The following PITPNM3 variants were observed in gnomAD, a reference collection of about 807,000 sequenced individuals.
The protein encoded by PITPNM3 is membrane-associated phosphatidylinositol transfer protein 3.
In PITPNM3, 26 loss-of-function variants were observed where a neutral mutation model predicts 102.0. The observed-to-expected ratio is 0.25, with a 90% CI of 0.19 to 0.35. The LOEUF is 0.35. PITPNM3 is among the 10% of genes least tolerant of loss of function. The probability of loss-of-function intolerance (pLI) is 1.00; values close to 1 mark genes in which losing one functional copy is unlikely to be tolerated. For synonymous variants in PITPNM3, 578 were observed against 558.6 expected (o/e 1.03, Z -0.49); for missense variants, 1,083 against 1,346.1 (o/e 0.80, Z 3.06).
At chr17:6,465,417 C>T (rs1904717455) in intron 14 of PITPNM3, among the ~76,000 whole-genome samples, 1 of 152,266 alleles carries the variant, frequency 6.6e-6, no homozygotes, top group Non-Finnish European at 1.5e-5. Flanking sequence ...TCTTCCAGAT[C>T]CCCGGGCTGG....
intron 1 of PITPNM3, among the ~76,000 whole-genome samples, chr17:6,543,158 AG>A (rs1200828229): frequency 6.6e-6 from 1 of 152,226 alleles, no homozygotes; most frequent in Non-Finnish European, 1.5e-5. Context: ...TGGGCCGCTC[AG>A]TGGGAGGGGC....
intron 3 of PITPNM3, among the ~76,000 whole-genome samples, chr17:6,516,998 C>T (rs1050252501): frequency 6.6e-6 from 1 of 152,108 alleles, no homozygotes; most frequent in Admixed American, 6.5e-5. Flanking sequence ...ATTCAAGAGG[C>T]CATGGAGGAA....
chr17:6,506,025 G>A (rs1263451341), intron 3 of PITPNM3, among the ~76,000 whole-genome samples: 3 of 152,118 alleles, frequency 2.0e-5, no homozygotes, highest in African/African-American at 4.8e-5. Flanking sequence ...AAGGCAAAGC[G>A]GGGGTGTGAG....
chr17:6,490,002 A>G (rs1906354456), intron 4 of PITPNM3, among the ~76,000 whole-genome samples: 1 of 149,816 alleles, frequency 6.7e-6, no homozygotes, highest in Non-Finnish European at 1.5e-5. Flanking sequence ...GCGAGACTCC[A>G]TCTCAAAAAA....
intron 3 of PITPNM3, among the ~76,000 whole-genome samples, chr17:6,504,847 CTCGG>C (rs1196156292): frequency 5.9e-5 from 9 of 152,088 alleles, no homozygotes; most frequent in Non-Finnish European, 1.3e-4. Flanking sequence ...TGGTACTTGC[CTCGG>C]AGGGTTACTG....
At chr17:6,475,213 C>G (rs895037080) in intron 9 of PITPNM3, among the ~76,000 whole-genome samples, 1 of 152,158 alleles carries the variant, frequency 6.6e-6, no homozygotes, top group African/African-American at 2.4e-5. Context: ...CCACCCCCAG[C>G]CCCAGCCCAC....
chr17:6,471,506 C>T (rs1597368073), intron 11 of PITPNM3, 151 bp from the exon 12 acceptor site: 1 of 767,984 alleles, frequency 1.3e-6, no homozygotes, highest in Non-Finnish European at 2.0e-6. Flanking sequence ...ACCTGCCCCT[C>T]TCACTGTGCC....
At chr17:6,514,062 T>C (rs1487248587) in intron 3 of PITPNM3, among the ~76,000 whole-genome samples, 1 of 152,110 alleles carries the variant, frequency 6.6e-6, no homozygotes, top group Non-Finnish European at 1.5e-5. Flanking sequence ...GGAAAACTAG[T>C]TAATCACACT....
chr17:6,499,372 C>T (rs1032522618), intron 4 of PITPNM3, among the ~76,000 whole-genome samples: 16 of 152,228 alleles, frequency 1.1e-4, no homozygotes, highest in African/African-American at 3.6e-4. Context: ...TGGAGACCTC[C>T]CTCCCCACAC....
rs557066064 is a variant in PITPNM3 at position 6,477,967 on chromosome 17, G to C, written c.900+8C>G. 100 of 1,612,044 alleles carry C rather than the reference G, an allele frequency of 6.2e-5. No homozygotes were observed. The highest frequency in any genetic ancestry group is 7.7e-5 in the Non-Finnish European group (91 of 1,179,976). ...TACCCCTCCCGCGGTCCTGTCCCCCGGCTGTACCTGGGTGCTGCTGATGCT... is the reference window on the plus strand; with the variant it reads ...TACCCCTCCCGCGGTCCTGTCCCCCCGCTGTACCTGGGTGCTGCTGATGCT... On this transcript the variant is annotated splice_region_variant and intron_variant, in intron 8 of 19. Transcript: ENST00000262483.
intron 1 of PITPNM3, among the ~76,000 whole-genome samples, chr17:6,543,532 G>A (rs765660017): frequency 5.9e-5 from 9 of 152,250 alleles, no homozygotes; most frequent in African/African-American, 1.7e-4. Context: ...CGCCCTGACC[G>A]TAAGATGCAG....
chr17:6,537,045 G>A lies in PITPNM3; in HGVS notation c.118+942C>T, dbSNP rs1191792823. Among the ~76,000 whole-genome samples, 1 of 152,090 alleles carries A rather than the reference G, an allele frequency of 6.6e-6. No homozygotes were observed. The highest frequency in any genetic ancestry group is 6.5e-5 in the Admixed American group (1 of 15,274). ...GTACTCGTGCCTCTGAGCCTTCAAG[G>A]CTGATCTCTGCCTGAAATGTCCACC... On this transcript the variant is annotated intron_variant, in intron 2 of 19. Transcript: ENST00000262483. This position sits in a 1 kb window ranked among gnomAD's most constrained non-coding sequence, Gnocchi z 4.4.
At chr17:6,477,906 T>G in intron 8 of PITPNM3, 69 bp downstream of exon 8, 2 of 1,599,698 alleles carry the variant, frequency 1.3e-6, no homozygotes, top group Non-Finnish European at 1.7e-6. Flanking sequence ...GAACCAGCAC[T>G]CTCTCCCCGA....
At chr17:6,502,714 C>A (rs1907258946) in intron 4 of PITPNM3, among the ~76,000 whole-genome samples, 1 of 152,156 alleles carries the variant, frequency 6.6e-6, no homozygotes, top group Admixed American at 6.5e-5. Flanking sequence ...CACAACCCCA[C>A]CCCAAACACA....
At chr17:6,511,666 C>T (rs1907870247) in intron 3 of PITPNM3, among the ~76,000 whole-genome samples, 1 of 152,106 alleles carries the variant, frequency 6.6e-6, no homozygotes, top group African/African-American at 2.4e-5. Flanking sequence ...GAAAGAAAAC[C>T]ATAACCTCAA....
At chr17:6,467,553 G>A (rs536557152) in intron 14 of PITPNM3, among the ~76,000 whole-genome samples, 1 of 152,276 alleles carries the variant, frequency 6.6e-6, no homozygotes, top group East Asian at 1.9e-4. Context: ...GGTTCATGAA[G>A]GATTGATCTC....
In PITPNM3 at chr17:6,511,616, G is replaced by A. The variant is rs74442784; in HGVS notation, c.227-8042C>T. 6.3e-3 allele frequency among the ~76,000 whole-genome samples: 955 copies of A among 152,300 alleles called. 15 individuals are homozygous for A. The highest frequency in any genetic ancestry group is 0.022 in the African/African-American group (901 of 41,564). ...GAAAATCAAGTGTGTGGAGCCTTGTGTGACTGCAAAGGACAAATGCTCACA... is the reference window on the plus strand; with the variant it reads ...GAAAATCAAGTGTGTGGAGCCTTGTATGACTGCAAAGGACAAATGCTCACA... On this transcript the variant is annotated intron_variant, in intron 3 of 19. Transcript: ENST00000262483.
Position 6,469,108 on chromosome 17 carries a change from G to C in PITPNM3, c.1774-767C>G, listed in dbSNP as rs1416965198. Among the ~76,000 whole-genome samples, 1 of 152,064 alleles carries C rather than the reference G, an allele frequency of 6.6e-6. No individual in the cohort carries two copies. The highest frequency in any genetic ancestry group is 1.5e-5 in the Non-Finnish European group (1 of 68,014). On this transcript the variant is annotated intron_variant, in intron 13 of 19. Transcript: ENST00000262483. The surrounding 1 kb of genome is among the most constrained non-coding windows in gnomAD (Gnocchi z 4.0). Reference sequence around the variant, plus strand: ...CAGTGGCTTCTCCTTCTCTCCCTGGGGGAGCTCCAGGACTCATCCCTGAAC... The same window carrying C: ...CAGTGGCTTCTCCTTCTCTCCCTGGCGGAGCTCCAGGACTCATCCCTGAAC...
chr17:6,463,997 C>T, intron 16 of PITPNM3, 116 bp from the exon 17 acceptor site: 1 of 1,545,992 alleles, frequency 6.5e-7, no homozygotes, highest in Non-Finnish European at 8.8e-7. Context: ...CAGAGAGCAC[C>T]TGGGTGGCAT....
Sources: allele counts gnomAD v4.1 joint callset (sites outside exome capture counted in the v4.1 genomes callset), GRCh38; gene constraint gnomAD v4.1.1; non-coding constraint Gnocchi (gnomAD v3.1); transcripts MANE v1.5; gene names NCBI Gene and HGNC (gene_info 2026-07-23, HGNC 2026-07-21).